The following QTGAL variants were observed in gnomAD, a reference collection of about 807,000 sequenced individuals.
The protein encoded by QTGAL is BGnT-like protein 1.
the QTGAL span, among the ~76,000 whole-genome samples, chr17:83,002,812 A>T: frequency 3.9e-5 from 6 of 152,154 alleles, no homozygotes; most frequent in Non-Finnish European, 4.4e-5. Flanking sequence ...GGAGACGCTG[A>T]AACACTAGCT....
At chr17:83,015,709 G>A in the QTGAL span, among the ~76,000 whole-genome samples, 2,346 of 152,350 alleles carry the variant, frequency 0.015, 64 homozygotes, top group African/African-American at 0.054. This position sits in a 1 kb window ranked among gnomAD's most constrained non-coding sequence, Gnocchi z 4.4. Context: ...GGCCTGAGCT[G>A]CCCCTCCTGT....
the QTGAL span, among the ~76,000 whole-genome samples, chr17:82,952,980 G>A: frequency 6.6e-6 from 1 of 152,158 alleles, no homozygotes; most frequent in Non-Finnish European, 1.5e-5. Context: ...AAATAACGAA[G>A]TTCTTTGAAA....
chr17:82,965,612 A>G, the QTGAL span: 1 of 1,540,424 alleles, frequency 6.5e-7, no homozygotes, highest in Non-Finnish European at 8.8e-7. Context: ...AGGGCCCCGA[A>G]CCTGGGGGAG....
the QTGAL span, chr17:82,957,536 C>T: frequency 6.4e-7 from 1 of 1,552,050 alleles, no homozygotes; most frequent in Non-Finnish European, 8.7e-7. Flanking sequence ...GGAGGCCCCA[C>T]AGATGCACAC....
At chr17:82,977,926 C>A in the QTGAL span, among the ~76,000 whole-genome samples, 1 of 152,146 alleles carries the variant, frequency 6.6e-6, no homozygotes, top group Non-Finnish European at 1.5e-5. Context: ...CGCTCCATCC[C>A]GACCGATGTG....
At chr17:82,970,621 C>T in the QTGAL span, among the ~76,000 whole-genome samples, 38 of 87,096 alleles carry the variant, frequency 4.4e-4, no homozygotes, top group South Asian at 1.3e-3. Flanking sequence ...CCTCCCCACC[C>T]GGCGTGGCCG....
the QTGAL span, among the ~76,000 whole-genome samples, chr17:82,970,712 C>T: frequency 7.1e-6 from 1 of 140,656 alleles, no homozygotes; most frequent in Non-Finnish European, 1.6e-5. Flanking sequence ...GTGGCTGTGC[C>T]CTGGTCACGT....
chr17:83,049,831 A>G, the QTGAL span, among the ~76,000 whole-genome samples: 1 of 152,134 alleles, frequency 6.6e-6, no homozygotes, highest in African/African-American at 2.4e-5. Flanking sequence ...AAAAATTTAT[A>G]AAGTGGGATG....
the QTGAL span, among the ~76,000 whole-genome samples, chr17:83,029,060 CT>C: frequency 6.6e-6 from 1 of 152,228 alleles, no homozygotes; most frequent in Non-Finnish European, 1.5e-5. Flanking sequence ...AGGGCAGTGG[CT>C]GCCGTGGGGA....
chr17:82,989,495 TAAAAAAA>T, the QTGAL span, among the ~76,000 whole-genome samples: 1 of 122,516 alleles, frequency 8.2e-6, no homozygotes, highest in African/African-American at 3.1e-5. Flanking sequence ...ATTCTGGAAC[TAAAAAAA>T]AAAAAAAAAA....
At chr17:83,007,254 T>C in the QTGAL span, 1 of 985,292 alleles carries the variant, frequency 1.0e-6, no homozygotes, top group Non-Finnish European at 1.2e-6. Context: ...AGTTGTGAAT[T>C]AGGACAGCTC....
chr17:82,947,115 C>CAGA, the QTGAL span: 2 of 706,400 alleles, frequency 2.8e-6, no homozygotes, highest in Non-Finnish European at 2.3e-6. Flanking sequence ...CTGCTAATAG[C>CAGA]GGAGAGGCTG....
At chr17:83,017,772 G>A in the QTGAL span, among the ~76,000 whole-genome samples, 12 of 152,098 alleles carry the variant, frequency 7.9e-5, no homozygotes, top group South Asian at 2.1e-4. Context: ...AACATGGTGC[G>A]CCTGTATCAG....
At chr17:82,981,247 T>C in the QTGAL span, 2 of 152,200 alleles carry the variant, frequency 1.3e-5, no homozygotes, top group African/African-American at 4.8e-5. Context: ...CCACTCCCCA[T>C]GCAGCCGAAA....
At chr17:82,986,073 G>A in the QTGAL span, among the ~76,000 whole-genome samples, 1 of 152,212 alleles carries the variant, frequency 6.6e-6, no homozygotes, top group African/African-American at 2.4e-5. Flanking sequence ...ACCGGGCCAG[G>A]AGCTCAGGGC....
At chr17:82,957,097 C>T in the QTGAL span, 1 of 1,574,430 alleles carries the variant, frequency 6.4e-7, no homozygotes. Flanking sequence ...TGGACTCTGC[C>T]AAGGGGGAAG....
chr17:83,041,295 C>T, the QTGAL span, among the ~76,000 whole-genome samples: 10 of 151,810 alleles, frequency 6.6e-5, no homozygotes, highest in East Asian at 7.7e-4. Context: ...AAGTACCACA[C>T]GGAAAGGCAA....
At chr17:83,047,830 C>CT in the QTGAL span, among the ~76,000 whole-genome samples, 1 of 130,252 alleles carries the variant, frequency 7.7e-6, no homozygotes, top group Non-Finnish European at 1.7e-5. Flanking sequence ...ATAATAAATC[C>CT]TACCAAAGAA....
chr17:83,013,916 A>G, the QTGAL span, among the ~76,000 whole-genome samples: 3 of 152,162 alleles, frequency 2.0e-5, no homozygotes, highest in East Asian at 5.8e-4. Flanking sequence ...CTGAGACACC[A>G]GCTCCAGGGA....
Sources: gnomAD v4.1 joint callset for allele counts (sites outside exome capture counted in the v4.1 genomes callset) on GRCh38, gnomAD v4.1.1 for gene constraint, Gnocchi (gnomAD v3.1) non-coding constraint, MANE v1.5 for transcripts, NCBI Gene and HGNC (gene_info 2026-07-23, HGNC 2026-07-21) for gene names.